SEC24D: variants seen among roughly 807,000 people sequenced by gnomAD.
The protein encoded by SEC24D is SEC24 homolog D, COPII component.
Under a neutral mutation model 116.9 loss-of-function variants are expected in SEC24D, and 69 were observed. The observed-to-expected ratio is 0.59, with a 90% CI of 0.49 to 0.72. The LOEUF is 0.72. Among genes scored for constraint, SEC24D ranks in the 30% least tolerant of loss-of-function variants. The probability of loss-of-function intolerance (pLI) is 0.00; values close to 1 mark genes in which losing one functional copy is unlikely to be tolerated. For synonymous variants in SEC24D, 405 were observed against 442.8 expected, an observed-to-expected ratio of 0.91 and a Z score of 1.07; for missense variants, 1,131 against 1,264.1, an observed-to-expected ratio of 0.89 and a Z score of 1.60.
chr4:118,732,383 G>C (rs1007409576), intron 20 of SEC24D, among the ~76,000 whole-genome samples: 1 of 152,002 alleles, frequency 6.6e-6, no homozygotes, highest in Non-Finnish European at 1.5e-5. Context: ...CAGGCAATCT[G>C]CCCGCCTTGG....
At chr4:118,813,769 T>A (rs1003209384) in intron 6 of SEC24D, among the ~76,000 whole-genome samples, 1 of 152,228 alleles carries the variant, frequency 6.6e-6, no homozygotes, top group Non-Finnish European at 1.5e-5. Context: ...CCCAGAACTG[T>A]GAGAGAATAC....
chr4:118,755,293 T>C (rs1249379202), intron 11 of SEC24D, among the ~76,000 whole-genome samples: 5 of 152,008 alleles, frequency 3.3e-5, no homozygotes, highest in South Asian at 2.1e-4. Context: ...GACTAATACA[T>C]TGATGTTCTT....
Position 118,744,065 on chromosome 4 carries a change from G to A in SEC24D, c.1918C>T (p.Gln640Ter). Residue 640 changes from glutamine to a stop codon, truncating the protein, a stop_gained, in exon 15 of 23, where the codon CAG becomes TAG. Coordinates refer to ENST00000280551, the MANE Select transcript of SEC24D (RefSeq NM_014822.4). LOFTEE classifies it high-confidence loss of function. ...CCCAGCGAGGCCACGTCCACATACTGACTAGGAAAGAGGAAGAGTGTCACA... is the reference window on the plus strand; with the variant it reads ...CCCAGCGAGGCCACGTCCACATACTAACTAGGAAAGAGGAAGAGTGTCACA... ...CSVTLFLFPS[Q>*]YVDVASLGLV... is the part of the protein sequence containing the mutation. The A allele has an allele frequency of 3.1e-6, 5 of 1,613,656 alleles. No homozygotes were observed. Among genetic ancestry groups the A allele is most frequent in the Non-Finnish European group, 4.2e-6 (5 of 1,179,704 alleles).
intron 9 of SEC24D, chr4:118,766,461 A>G (rs568048634): frequency 6.6e-6 from 1 of 152,352 alleles, no homozygotes; most frequent in South Asian, 2.1e-4. Flanking sequence ...TTGTAGGGAC[A>G]CATATTTAAG....
At chr4:118,806,610 G>A (rs1239570622) in intron 6 of SEC24D, among the ~76,000 whole-genome samples, 1 of 151,748 alleles carries the variant, frequency 6.6e-6, no homozygotes, top group Non-Finnish European at 1.5e-5. Flanking sequence ...TGGTGTTACA[G>A]GTGTGAGCCA....
intron 6 of SEC24D, among the ~76,000 whole-genome samples, chr4:118,807,978 T>TTGAGACAGGGTCTTGCTCTGATGCCCA (rs1729747048): frequency 6.6e-6 from 1 of 152,208 alleles, no homozygotes; most frequent in Non-Finnish European, 1.5e-5. Flanking sequence ...TTTTATCTCT[T>TTGAGACAGGGTCTTGCTCTGATGCCCA]TGAGACAGGG....
intron 10 of SEC24D, among the ~76,000 whole-genome samples, chr4:118,758,948 C>A (rs996827253): frequency 5.3e-5 from 8 of 152,140 alleles, no homozygotes; most frequent in African/African-American, 1.9e-4. Context: ...CTGATTCACA[C>A]CTACTTTAAT....
At chr4:118,791,058 A>C (rs1728873213) in intron 8 of SEC24D, among the ~76,000 whole-genome samples, 1 of 152,074 alleles carries the variant, frequency 6.6e-6, no homozygotes. Context: ...GATTATAAAT[A>C]TCTAAAATAG....
intron 6 of SEC24D, among the ~76,000 whole-genome samples, chr4:118,813,722 C>T (rs114262028): frequency 0.044 from 6,658 of 152,342 alleles, 201 homozygotes; most frequent in Non-Finnish European, 0.064. Flanking sequence ...GTTCAAACCA[C>T]AGCACTTGCC....
chr4:118,775,756 G>C (rs1003651465), intron 8 of SEC24D, among the ~76,000 whole-genome samples: 5 of 152,146 alleles, frequency 3.3e-5, no homozygotes, highest in Non-Finnish European at 7.4e-5. Context: ...TGGGAAAATA[G>C]TACATGTGTT....
chr4:118,834,327 G>A (rs1205293212), intron 1 of SEC24D, among the ~76,000 whole-genome samples: 1 of 152,174 alleles, frequency 6.6e-6, no homozygotes, highest in Non-Finnish European at 1.5e-5. Context: ...CTTGAGTGTT[G>A]TCAGTGGTTT....
At chr4:118,782,393 G>T (rs1728455493) in intron 8 of SEC24D, among the ~76,000 whole-genome samples, 1 of 152,310 alleles carries the variant, frequency 6.6e-6, no homozygotes. Flanking sequence ...GACCCTGTTT[G>T]CCTGGGTATC....
intron 8 of SEC24D, among the ~76,000 whole-genome samples, chr4:118,780,546 G>C (rs535926110): frequency 6.6e-6 from 1 of 152,180 alleles, no homozygotes; most frequent in Non-Finnish European, 1.5e-5. Context: ...TGGAATAAGC[G>C]TGATGTGGTA....
chr4:118,799,087 T>C (rs1729310579), intron 7 of SEC24D, among the ~76,000 whole-genome samples: 1 of 151,978 alleles, frequency 6.6e-6, no homozygotes, highest in East Asian at 1.9e-4. Context: ...TGGGGAAGAG[T>C]AGAACCAGGG....
chr4:118,775,686 A>G (rs1201651331), intron 8 of SEC24D, among the ~76,000 whole-genome samples: 1 of 152,196 alleles, frequency 6.6e-6, no homozygotes, highest in Admixed American at 6.5e-5. Context: ...TTGTTACTAC[A>G]TGGTAGGAAT....
At position 118,744,987 on chromosome 4, in the gene SEC24D, T is replaced by C; in HGVS notation, c.1781A>G (p.Lys594Arg). The C allele has an allele frequency of 1.9e-6, 3 of 1,613,210 alleles. No individual in the cohort carries two copies. Among genetic ancestry groups the C allele is most frequent in the African/African-American group, 1.3e-5 (1 of 74,952 alleles). ...AACCAGTTTTTTGTCATCTCTGTTTTTGAGCTTCCCTGGTGCTTCAGCAGT... is the reference window on the plus strand; with the variant it reads ...AACCAGTTTTTTGTCATCTCTGTTTCTGAGCTTCCCTGGTGCTTCAGCAGT... ...LPTAEAPGKL[K>R]NRDDKKLVNT... The change falls in exon 14 of 23, where the codon AAA becomes AGA. Residue 594 changes from lysine (K) to arginine (R), a missense_variant. Lys to Arg is a conservative substitution (Grantham distance 26). Transcript: ENST00000280551.
At chr4:118,738,109 C>T in intron 19 of SEC24D, 152 bp downstream of exon 19, 1 of 555,474 alleles carries the variant, frequency 1.8e-6, no homozygotes, top group Non-Finnish European at 3.2e-6. Context: ...AACCACAGCC[C>T]CCCCAAATTG....
At chr4:118,793,466 C>CAAAA (rs70944815) in intron 8 of SEC24D, among the ~76,000 whole-genome samples, 10 of 69,286 alleles carry the variant, frequency 1.4e-4, no homozygotes, top group African/African-American at 4.3e-4. Context: ...GACTCCGTCT[C>CAAAA]AAAAAAAAAA....
intron 13 of SEC24D, among the ~76,000 whole-genome samples, 194 bp from the exon 14 acceptor site, chr4:118,745,254 G>A (rs1260870221): frequency 6.6e-6 from 1 of 152,148 alleles, no homozygotes; most frequent in African/African-American, 2.4e-5. Flanking sequence ...GAGGCTGAGA[G>A]AGGACAAGCC....
Sources: allele counts gnomAD v4.1 joint callset (sites outside exome capture counted in the v4.1 genomes callset), GRCh38; gene constraint gnomAD v4.1.1; transcripts MANE v1.5; gene names NCBI Gene and HGNC (gene_info 2026-07-23, HGNC 2026-07-21).